LIPM: variants seen among roughly 807,000 people sequenced by gnomAD.
LIPM encodes lipase member M.
LIPM carries 42 observed loss-of-function variants against 42.4 expected under a neutral mutation model. The ratio of observed to expected loss-of-function variants is 0.99; its 90% confidence interval spans 0.77 to 1.28. The LOEUF is 1.28. Among genes scored for constraint, LIPM ranks in the 50% most tolerant of loss-of-function variants. The probability of loss-of-function intolerance (pLI) is 0.00; values close to 1 mark genes in which losing one functional copy is unlikely to be tolerated. For synonymous variants in LIPM, 177 were observed against 173.3 expected (o/e 1.02, Z -0.17); for missense variants, 524 against 520.1 (o/e 1.01, Z -0.07).
intron 1 of LIPM, 66 bp downstream of exon 1, chr10:88,803,109 C>T (rs1843547497): frequency 1.6e-5 from 23 of 1,459,890 alleles, no homozygotes; most frequent in Admixed American, 4.5e-5. Flanking sequence ...GTATTATTTA[C>T]ATTATGTATT....
chr10:88,807,931 A>T (rs559016889), intron 1 of LIPM, among the ~76,000 whole-genome samples: 1 of 152,332 alleles, frequency 6.6e-6, no homozygotes, highest in East Asian at 1.9e-4. Context: ...GTTCTCAAAC[A>T]TTAGGGTACA....
chr10:88,816,985 C>A, intron 7 of LIPM, 98 bp downstream of exon 7: 1 of 890,148 alleles, frequency 1.1e-6, no homozygotes, highest in Non-Finnish European at 1.8e-6. Context: ...GATTATTTCA[C>A]ACTTATTCTA....
At chr10:88,811,639 A>G (rs922333357) in intron 2 of LIPM, among the ~76,000 whole-genome samples, 3 of 152,244 alleles carry the variant, frequency 2.0e-5, no homozygotes, top group Non-Finnish European at 4.4e-5. Flanking sequence ...ATAATTTCCA[A>G]TTTATGGAAA....
chr10:88,812,710 A>G (rs957991876), intron 2 of LIPM, among the ~76,000 whole-genome samples: 1 of 152,200 alleles, frequency 6.6e-6, no homozygotes, highest in Admixed American at 6.5e-5. Context: ...AAACCATTAT[A>G]TATATGTGGT....
chr10:88,814,680 T>C, intron 4 of LIPM, 41 bp downstream of exon 4: 1 of 1,430,308 alleles, frequency 7.0e-7, no homozygotes. Flanking sequence ...TCGGAAGAAA[T>C]GTGAGCATAC....
intron 3 of LIPM, among the ~76,000 whole-genome samples, chr10:88,813,799 AG>A (rs910623205): frequency 5.9e-5 from 9 of 152,284 alleles, no homozygotes; most frequent in African/African-American, 2.2e-4. Context: ...TCATGGCAGA[AG>A]GTGAAGGGGA....
In LIPM at chr10:88,813,191, G is replaced by A; in HGVS notation, c.360G>A (p.Leu120=). ...CCAACAATAGCCTGGGCTTCATTCT[G>A]GCAGATGCTGGTTTTGACGTGTGGA... ...NLPNNSLGFI[L]ADAGFDVWMG... The change falls in exon 3 of 9, where the codon CTG becomes CTA. Residue 120 remains leucine, a synonymous_variant. Coordinates refer to ENST00000404743, the MANE Select transcript of LIPM (RefSeq NM_001128215.1). 1 of 1,613,726 alleles carries A rather than the reference G, an allele frequency of 6.2e-7. No homozygotes were observed. Among genetic ancestry groups the A allele is most frequent in the Non-Finnish European group, 8.5e-7 (1 of 1,179,848 alleles).
chr10:88,806,564 T>C (rs1361615372), intron 1 of LIPM, among the ~76,000 whole-genome samples: 1 of 152,200 alleles, frequency 6.6e-6, no homozygotes, highest in African/African-American at 2.4e-5. Context: ...TGGGAACTTG[T>C]ATATCAATTT....
chr10:88,805,901 TC>T (rs1843580364), intron 1 of LIPM: 1 of 435,348 alleles, frequency 2.3e-6, no homozygotes, highest in Admixed American at 2.5e-5. Context: ...GATACAGACT[TC>T]AAAACAGCCA....
In LIPM at chr10:88,808,564, C is replaced by T. The variant is rs1302463648; in HGVS notation, c.265+149C>T. 4 of 540,708 alleles carry T rather than the reference C, an allele frequency of 7.4e-6. No homozygotes were observed. The African/African-American group carries it at 7.5e-5, about 10-fold the overall frequency. The allele number at this position is 540,708 out of a possible 1,614,324, so 33.5% of individuals were successfully genotyped here. ...AGGATGGTGTCAGTTCCCCCATAGTCTCCATCACCACCACCGTGTCCGTCC... is the reference window on the plus strand; with the variant it reads ...AGGATGGTGTCAGTTCCCCCATAGTTTCCATCACCACCACCGTGTCCGTCC... On this transcript the variant is annotated intron_variant, in intron 2 of 8. Coordinates refer to ENST00000404743, the MANE Select transcript of LIPM (RefSeq NM_001128215.1).
chr10:88,811,709 TAC>T (rs1393048887), intron 2 of LIPM, among the ~76,000 whole-genome samples: 1 of 152,182 alleles, frequency 6.6e-6, no homozygotes, highest in Non-Finnish European at 1.5e-5. Flanking sequence ...ACCAACTGTT[TAC>T]AGTTTTACCC....
intron 1 of LIPM, among the ~76,000 whole-genome samples, chr10:88,805,424 G>A (rs1261928487): frequency 6.6e-6 from 1 of 152,200 alleles, no homozygotes; most frequent in African/African-American, 2.4e-5. Flanking sequence ...GCTGAAAGCA[G>A]CTTATATCTG....
chr10:88,816,923 C>T (rs1242347997), intron 7 of LIPM, 36 bp downstream of exon 7: 11 of 1,457,776 alleles, frequency 7.5e-6, no homozygotes, highest in African/African-American at 1.4e-5. Context: ...TGCTAAATGT[C>T]CTGTTATATT....
chr10:88,811,590 C>G (rs1356295793), intron 2 of LIPM, among the ~76,000 whole-genome samples: 1 of 152,156 alleles, frequency 6.6e-6, no homozygotes, highest in East Asian at 1.9e-4. Context: ...TCATCCTTCT[C>G]TATTCTCTAC....
chr10:88,802,988 T>C lies in LIPM; in HGVS notation c.92T>C (p.Val31Ala), dbSNP rs1466718968. The C allele has an allele frequency of 1.3e-6, 2 of 1,551,562 alleles. No homozygotes were observed. Among genetic ancestry groups the C allele is most frequent in the East Asian group, 4.9e-5 (2 of 40,904 alleles). Residue 31 changes from valine to alanine, a missense_variant, in exon 1 of 9, where the codon GTG becomes GCG. Coordinates refer to ENST00000404743, the MANE Select transcript of LIPM (RefSeq NM_001128215.1). The stretch of plus-strand genomic sequence containing the variant: ...GTGGCGTATATGTTCCAGAGAAATG[T>C]GAATTCAGTACATATGCCAACTAAA... ...ILVAYMFQRN[V>A]NSVHMPTKAV... is the part of the protein sequence containing the mutation.
chr10:88,813,679 C>T (rs770125477), intron 3 of LIPM, among the ~76,000 whole-genome samples: 1 of 151,868 alleles, frequency 6.6e-6, no homozygotes, highest in East Asian at 1.9e-4. Context: ...TGTGTTAGTC[C>T]GTTTTCACAC....
rs1694140054 is a variant in LIPM at position 88,815,229 on chromosome 10, G to A, written c.711+5G>A. 2 of 1,549,916 alleles carry A rather than the reference G, an allele frequency of 1.3e-6. No homozygotes were observed. The highest frequency in any genetic ancestry group is 8.7e-7 in the Non-Finnish European group (1 of 1,146,562). On this transcript the variant is annotated splice_donor_5th_base_variant and intron_variant, in intron 5 of 8. Transcript: ENST00000404743. ...CTGCCAGATATGATGATCAAGGTAT[G>A]AGACTCCTCAGAAAACTTCCTGTGT...
intron 1 of LIPM, among the ~76,000 whole-genome samples, chr10:88,804,114 A>G (rs181284863): frequency 6.6e-6 from 1 of 152,346 alleles, no homozygotes; most frequent in East Asian, 1.9e-4. Flanking sequence ...AATATTCTGT[A>G]TCTGCATGGT....
chr10:88,811,740 C>G (rs777347333), intron 2 of LIPM, among the ~76,000 whole-genome samples: 1 of 152,102 alleles, frequency 6.6e-6, no homozygotes, highest in African/African-American at 2.4e-5. Flanking sequence ...TTATCATTAT[C>G]TCTCCCCCAT....
Sources: allele counts gnomAD v4.1 joint callset (sites outside exome capture counted in the v4.1 genomes callset), GRCh38; gene constraint gnomAD v4.1.1; transcripts MANE v1.5; gene names NCBI Gene and HGNC (gene_info 2026-07-23, HGNC 2026-07-21).